The following NR2F1-AS1 variants were observed in gnomAD, a reference collection of about 807,000 sequenced individuals.
NR2F1-AS1 encodes NR2F1 antisense RNA 1.
chr5:93,517,963 G>C (rs1178916915), intron 4 of NR2F1-AS1, among the ~76,000 whole-genome samples: 2 of 151,946 alleles, frequency 1.3e-5, no homozygotes, highest in Non-Finnish European at 2.9e-5. Flanking sequence ...TTCATTATCT[G>C]GATTTCTTTT....
intron 4 of NR2F1-AS1, among the ~76,000 whole-genome samples, chr5:93,544,574 A>C (rs1580319587): frequency 6.6e-6 from 1 of 152,298 alleles, no homozygotes; most frequent in East Asian, 1.9e-4. Flanking sequence ...TTAAAGTCTT[A>C]ATCTTAAATA....
chr5:93,560,108 A>G (rs375365185), intron 2 of NR2F1-AS1, among the ~76,000 whole-genome samples: 1 of 152,220 alleles, frequency 6.6e-6, no homozygotes, highest in Non-Finnish European at 1.5e-5. Flanking sequence ...CTCTTCATCA[A>G]TAAAATGGTA....
At chr5:93,471,421 G>A (rs1750362060) in intron 4 of NR2F1-AS1, among the ~76,000 whole-genome samples, 1 of 151,600 alleles carries the variant, frequency 6.6e-6, no homozygotes, top group Non-Finnish European at 1.5e-5. Context: ...ACTGGACAAG[G>A]AAAAATATCC....
At chr5:93,495,337 G>C (rs1750937053) in intron 4 of NR2F1-AS1, among the ~76,000 whole-genome samples, 1 of 150,986 alleles carries the variant, frequency 6.6e-6, no homozygotes, top group South Asian at 2.1e-4. Context: ...CTTGATTTTT[G>C]TCTTTTCTCA....
At chr5:93,498,169 TA>T (rs999892900) in intron 4 of NR2F1-AS1, among the ~76,000 whole-genome samples, 1 of 151,462 alleles carries the variant, frequency 6.6e-6, no homozygotes, top group Non-Finnish European at 1.5e-5. Context: ...ACAAAAGAAA[TA>T]ATAAATAAAT....
chr5:93,459,759 A>G (rs1356100758), intron 4 of NR2F1-AS1, among the ~76,000 whole-genome samples: 2 of 152,138 alleles, frequency 1.3e-5, no homozygotes, highest in African/African-American at 2.4e-5. Flanking sequence ...AAGCAGAAGT[A>G]AGGAGTCTTT....
intron 4 of NR2F1-AS1, among the ~76,000 whole-genome samples, chr5:93,527,631 A>G (rs1428132752): frequency 2.0e-5 from 3 of 152,222 alleles, no homozygotes; most frequent in African/African-American, 7.2e-5. Flanking sequence ...ACAGCATGGT[A>G]CTGGTACCAA....
chr5:93,532,430 G>A (rs1005611940), intron 4 of NR2F1-AS1, among the ~76,000 whole-genome samples: 2 of 152,086 alleles, frequency 1.3e-5, no homozygotes, highest in Admixed American at 6.5e-5. Context: ...GGAGGGGATT[G>A]TGCAATAGAA....
intron 4 of NR2F1-AS1, among the ~76,000 whole-genome samples, chr5:93,453,399 T>C (rs1412289906): frequency 6.6e-6 from 1 of 152,002 alleles, no homozygotes; most frequent in Non-Finnish European, 1.5e-5. Context: ...AAAATCACCA[T>C]GGATTTTCTA....
intron 1 of NR2F1-AS1, among the ~76,000 whole-genome samples, chr5:93,565,555 T>C (rs1752598826): frequency 6.6e-6 from 1 of 152,122 alleles, no homozygotes; most frequent in African/African-American, 2.4e-5. Context: ...AAGGCTTCAA[T>C]TGTACTGTTA....
At chr5:93,440,530 T>C (rs1374597214) in intron 4 of NR2F1-AS1, among the ~76,000 whole-genome samples, 3 of 152,192 alleles carry the variant, frequency 2.0e-5, no homozygotes, top group Non-Finnish European at 4.4e-5. Flanking sequence ...GAACTTACAC[T>C]ATTGGCTCTC....
intron 4 of NR2F1-AS1, among the ~76,000 whole-genome samples, chr5:93,490,904 GGTGGTGGTGATGGGA>G (rs1750826764): frequency 6.7e-6 from 1 of 148,722 alleles, no homozygotes; most frequent in South Asian, 2.2e-4. Flanking sequence ...TTGTGGTAGT[GGTGGTGGTGATGGGA>G]GTGGTGGTGA....
chr5:93,447,085 A>C (rs1413462376), intron 4 of NR2F1-AS1, among the ~76,000 whole-genome samples: 1 of 152,210 alleles, frequency 6.6e-6, no homozygotes, highest in African/African-American at 2.4e-5. Flanking sequence ...TATTAGACCT[A>C]AAACCATAAA....
At chr5:93,551,966 T>C (rs1222255803) in intron 4 of NR2F1-AS1, among the ~76,000 whole-genome samples, 1 of 152,178 alleles carries the variant, frequency 6.6e-6, no homozygotes, top group African/African-American at 2.4e-5. Context: ...AGCACTCCAC[T>C]TGGGAATTCA....
intron 4 of NR2F1-AS1, among the ~76,000 whole-genome samples, chr5:93,441,053 T>G (rs1429705907): frequency 6.6e-6 from 1 of 152,204 alleles, no homozygotes; most frequent in Non-Finnish European, 1.5e-5. Context: ...AACCTAATAT[T>G]TCTTCACCTT....
chr5:93,504,729 TCA>T (rs1308406941), intron 4 of NR2F1-AS1, among the ~76,000 whole-genome samples: 2 of 152,100 alleles, frequency 1.3e-5, no homozygotes, highest in African/African-American at 4.8e-5. Flanking sequence ...TGAAACTTAG[TCA>T]CTGTCATGAG....
At chr5:93,529,736 T>C (rs959360646) in intron 4 of NR2F1-AS1, among the ~76,000 whole-genome samples, 1 of 152,134 alleles carries the variant, frequency 6.6e-6, no homozygotes. Context: ...ATATAAAATA[T>C]AAATAATAAA....
Position 93,415,024 on chromosome 5 carries a change from T to C in NR2F1-AS1, n.639-19482A>G, listed in dbSNP as rs868794257. 7.2e-5 allele frequency among the ~76,000 whole-genome samples: 11 copies of C among 152,314 alleles called. 1 individual carries two copies. The highest frequency in any genetic ancestry group is 6.8e-3 in the Middle Eastern group (2 of 294). ...TCCAGGGGTAGCAGAGGTTATCAGA[T>C]AGAAGTTTACATCTCCCTGACCCAA... On this transcript the variant is annotated intron_variant and non_coding_transcript_variant, in intron 4 of 5. Coordinates refer to ENST00000660523, the Ensembl canonical transcript of NR2F1-AS1.
chr5:93,553,858 T>C (rs1036648289), exon 4 of NR2F1-AS1: 21 of 152,306 alleles, frequency 1.4e-4, no homozygotes, highest in African/African-American at 5.1e-4. Context: ...GAATGGCAGC[T>C]TACATCTGTA....
Sources: gnomAD v4.1 joint callset for allele counts (sites outside exome capture counted in the v4.1 genomes callset) on GRCh38, gnomAD v4.1.1 for gene constraint, MANE v1.5 for transcripts, NCBI Gene and HGNC (gene_info 2026-07-23, HGNC 2026-07-21) for gene names.